EXOC3: variants seen among roughly 807,000 people sequenced by gnomAD.
The protein encoded by EXOC3 is exocyst complex component 3.
Under a neutral mutation model 73.7 loss-of-function variants are expected in EXOC3, and 21 were observed. The ratio of observed to expected loss-of-function variants is 0.29; its 90% CI spans 0.20 to 0.41. EXOC3 has a LOEUF of 0.41. Among genes scored for constraint, EXOC3 ranks in the 10% least tolerant of loss-of-function variants. The probability of loss-of-function intolerance (pLI) is 1.00; values close to 1 mark genes in which losing one functional copy is unlikely to be tolerated. For synonymous variants in EXOC3, 410 were observed against 389.1 expected (o/e 1.05, Z -0.63); for missense variants, 842 against 985.1 (o/e 0.85, Z 1.95).
intron 9 of EXOC3, among the ~76,000 whole-genome samples, chr5:462,827 C>A (rs1027721976): frequency 6.6e-6 from 1 of 152,156 alleles, no homozygotes; most frequent in Non-Finnish European, 1.5e-5. Flanking sequence ...CCTTGTAGGC[C>A]GGGTGTGGTG....
rs1234093240 is a variant in EXOC3 at position 456,940 on chromosome 5, C to T, written c.1098C>T (p.Thr366=). The change falls in exon 5 of 13, where the codon ACC becomes ACT. Residue 366 remains threonine, a synonymous_variant. Transcript: ENST00000512944. ...VELAPEVDVG[T]LEPLLSPHVV... is the part of the protein sequence containing the mutation. ...TGGCCCCGGAAGTGGATGTCGGCAC[C>T]CTGGAGCCATTGCTTTCTCCACACG... 6.2e-7 allele frequency: 1 copy of T among 1,614,042 alleles called. No individual in the cohort carries two copies. The highest frequency in any genetic ancestry group is 8.5e-7 in the Non-Finnish European group (1 of 1,179,888).
At chr5:457,032 C>G in intron 5 of EXOC3, 26 bp downstream of exon 5, 2 of 1,519,726 alleles carry the variant, frequency 1.3e-6, no homozygotes, top group Non-Finnish European at 1.8e-6. Context: ...CTGCGTGCCA[C>G]AGACCACCGT....
Position 466,744 on chromosome 5 carries a change from C to T in EXOC3, c.2084C>T (p.Ala695Val), listed in dbSNP as rs1413713815. Reference protein sequence around the residue: ...YPDIRDDHIGALLAVRGDASR... With the variant: ...YPDIRDDHIGVLLAVRGDASR... ...ATCCCCAGGGATGACCACATCGGTG[C>T]GCTGCTGGCTGTGCGTGGGGACGCC... The change falls in exon 13 of 13, where the codon GCG (alanine) becomes GTG (valine). Residue 695 changes from alanine to valine, a missense_variant. Physicochemically the swap from Ala to Val is moderately conservative, Grantham distance 64. Transcript: ENST00000512944. 18 of 1,612,832 alleles carry T rather than the reference C, an allele frequency of 1.1e-5. No homozygotes were observed. The highest frequency in any genetic ancestry group is 2.2e-5 in the East Asian group (1 of 44,876).
At chr5:464,664 G>C in intron 10 of EXOC3, 2 of 454,510 alleles carry the variant, frequency 4.4e-6, no homozygotes, top group Middle Eastern at 1.3e-3. Context: ...CGCGTGCCCC[G>C]TCTTAGCTCC....
intron 3 of EXOC3, among the ~76,000 whole-genome samples, chr5:451,239 C>T (rs1349330095): frequency 5.3e-5 from 8 of 152,276 alleles, no homozygotes; most frequent in African/African-American, 1.2e-4. Context: ...ATAAAGATTA[C>T]ACTTAACATC....
intron 10 of EXOC3, 153 bp downstream of exon 10, chr5:464,565 A>G (rs1579746171): frequency 2.7e-6 from 2 of 743,096 alleles, no homozygotes; most frequent in Non-Finnish European, 4.4e-6. Flanking sequence ...TGCGGACGCC[A>G]CCTCCCTGGG....
rs762297918 is a variant in EXOC3 at position 466,913 on chromosome 5, C to G, written c.*15C>G. On this transcript the variant is annotated 3_prime_UTR_variant, in exon 13 of 13. Transcript: ENST00000512944. ...TGCTCAAGTAGCCTCCGCCGGCCTG[C>G]CCTGCTCGCCCCTCCACAGCCTCGG... is the stretch of plus-strand genomic sequence containing the variant. 6.3e-7 allele frequency: 1 copy of G among 1,577,722 alleles called. No individual in the cohort carries two copies. Among genetic ancestry groups the G allele is most frequent in the African/African-American group, 1.4e-5 (1 of 73,908 alleles).
chr5:455,901 G>A (rs4957039), intron 4 of EXOC3, among the ~76,000 whole-genome samples: 46,236 of 152,206 alleles, frequency 0.3, 8,394 homozygotes, highest in Middle Eastern at 0.45. Context: ...ACCATGCCCG[G>A]CTGATAATAA....
intron 4 of EXOC3, 27 bp from the exon 5 acceptor site, chr5:456,862 T>C (rs1343617557): frequency 3.2e-6 from 5 of 1,554,188 alleles, no homozygotes; most frequent in Non-Finnish European, 4.4e-6. Context: ...TCGTGGTTTG[T>C]CACTCACATT....
intron 9 of EXOC3, 144 bp downstream of exon 9, chr5:462,451 T>G (rs1209991319): frequency 1.2e-6 from 1 of 850,252 alleles, no homozygotes; most frequent in African/African-American, 1.7e-5. Context: ...GTCAGATCGC[T>G]TAAAGCGCCT....
chr5:444,578 A>C (rs1368823233), intron 1 of EXOC3, among the ~76,000 whole-genome samples: 1 of 152,248 alleles, frequency 6.6e-6, no homozygotes, highest in Non-Finnish European at 1.5e-5. Flanking sequence ...AAATAAGAAA[A>C]CAAAAGTGTG....
At chr5:464,476 A>G in intron 10 of EXOC3, 64 bp downstream of exon 10, 1 of 1,564,194 alleles carries the variant, frequency 6.4e-7, no homozygotes, top group South Asian at 1.1e-5. Flanking sequence ...CACCCTGCTC[A>G]GAATTCAGCA....
chr5:444,664 G>A (rs968991549), intron 1 of EXOC3, among the ~76,000 whole-genome samples: 2 of 91,104 alleles, frequency 2.2e-5, no homozygotes, highest in Non-Finnish European at 3.5e-5. Flanking sequence ...AAGGAAACAA[G>A]CCCTGTTGGA....
rs1737389256 is a variant in EXOC3 at position 443,251 on chromosome 5, GGC to G, written c.-94_-93del. On this transcript the variant is annotated 5_prime_UTR_variant, in exon 1 of 13. Coordinates refer to ENST00000512944, the MANE Select transcript of EXOC3 (RefSeq NM_007277.5). ...CGGGGGCGGCGGCGGCGGCGGCGGC[GGC>G]GGCGGCGGCGGCGGCGGCGGCGGCG... The G allele has an allele frequency of 8.2e-5, 1 of 12,230 alleles. No homozygotes were observed. The highest frequency in any genetic ancestry group is 6.4e-4 in the East Asian group (1 of 1,552). 0.8% of individuals were successfully genotyped at this position (12,230 alleles called of 1,614,324 possible). A position where few individuals can be genotyped will look rare whatever the true frequency, so the allele number is the denominator to read the frequency against.
In EXOC3 at chr5:447,713, C is replaced by T. The variant is rs1737546435; in HGVS notation, c.325C>T (p.Leu109Phe). The stretch of plus-strand genomic sequence containing the variant: ...AGACGCCGTGGTGCAGCACAGCCAG[C>T]TCGCCGCAGCCGTGGAGAACCTCAA... The part of the protein sequence containing the change: ...VKDAVVQHSQ[L>F]AAAVENLKNI... The change falls in exon 3 of 13, where the codon CTC (leucine) becomes TTC (phenylalanine). Residue 109 changes from leucine to phenylalanine, a missense_variant. Coordinates refer to ENST00000512944, the MANE Select transcript of EXOC3 (RefSeq NM_007277.5). The T allele has an allele frequency of 1.3e-6, 2 of 1,584,162 alleles. No homozygotes were observed. Among genetic ancestry groups the T allele is most frequent in the East Asian group, 2.3e-5 (1 of 43,206 alleles).
At chr5:455,071 G>C (rs1286688778) in intron 4 of EXOC3, among the ~76,000 whole-genome samples, 1 of 152,194 alleles carries the variant, frequency 6.6e-6, no homozygotes, top group Non-Finnish European at 1.5e-5. Flanking sequence ...GTGGCTCTCT[G>C]TGCACAGCCC....
intron 10 of EXOC3, 166 bp downstream of exon 10, chr5:464,578 G>A (rs1329199325): frequency 1.0e-5 from 7 of 668,878 alleles, no homozygotes; most frequent in African/African-American, 7.2e-5. Context: ...TCCCTGGGAC[G>A]GGGCTCTGGT....
intron 7 of EXOC3, 191 bp downstream of exon 7, chr5:459,650 ACC>A: frequency 2.1e-6 from 1 of 484,140 alleles, no homozygotes; most frequent in Non-Finnish European, 3.7e-6. Flanking sequence ...CCTTGAGTGG[ACC>A]ACACACCCCC....
chr5:467,069 C>A lies in EXOC3; in HGVS notation c.*171C>A. 1 of 652,810 alleles carries A rather than the reference C, an allele frequency of 1.5e-6. No individual in the cohort carries two copies. Among genetic ancestry groups the A allele is most frequent in the Non-Finnish European group, 2.6e-6 (1 of 384,686 alleles). 40.4% of individuals were successfully genotyped at this position (652,810 alleles called of 1,614,324 possible). On this transcript the variant is annotated 3_prime_UTR_variant, in exon 13 of 13. Coordinates refer to ENST00000512944, the MANE Select transcript of EXOC3 (RefSeq NM_007277.5). ...GCGTCGAGTGAGCGTCCCGAGGCCACGTGCGGAGGCCCCTCACTGTGCTGT... is the reference window on the plus strand; with the variant it reads ...GCGTCGAGTGAGCGTCCCGAGGCCAAGTGCGGAGGCCCCTCACTGTGCTGT...
Sources: gnomAD v4.1 joint callset for allele counts (sites outside exome capture counted in the v4.1 genomes callset) on GRCh38, gnomAD v4.1.1 for gene constraint, MANE v1.5 for transcripts, NCBI Gene and HGNC (gene_info 2026-07-23, HGNC 2026-07-21) for gene names.